Variants in ZDHHC21 observed in about 807,000 individuals in gnomAD.
ZDHHC21 encodes zDHHC palmitoyltransferase 21, also known as palmitoyltransferase ZDHHC21.
Under a neutral mutation model 34.6 loss-of-function variants are expected in ZDHHC21, and 15 were observed. The observed-to-expected ratio is 0.43, with a 90% CI of 0.29 to 0.67. The LOEUF (loss-of-function observed/expected upper bound fraction) is 0.67, where lower values mean the gene tolerates loss of function less well. Among genes scored for constraint, ZDHHC21 ranks in the 30% least tolerant of loss-of-function variants. ZDHHC21 has a pLI of 0.14. For missense variants in ZDHHC21, 344 were observed against 327.7 expected (o/e 1.05, Z -0.38); for synonymous variants, 142 against 101.8 (o/e 1.40, Z -2.38).
At chr9:14,690,066 A>G (rs1364217790) in intron 2 of ZDHHC21, among the ~76,000 whole-genome samples, 1 of 152,196 alleles carries the variant, frequency 6.6e-6, no homozygotes, top group African/African-American at 2.4e-5. Flanking sequence ...TTAAAAAGGT[A>G]ACTTTTGTTC....
At chr9:14,687,228 T>C (rs1481343616) in intron 2 of ZDHHC21, among the ~76,000 whole-genome samples, 1 of 150,758 alleles carries the variant, frequency 6.6e-6, no homozygotes, top group Non-Finnish European at 1.5e-5. Context: ...TCCCAGTCAC[T>C]TGCTGGCTTA....
chr9:14,606,922 A>G (rs920845930), downstream of ZDHHC21, among the ~76,000 whole-genome samples: 1 of 152,080 alleles, frequency 6.6e-6, no homozygotes, highest in African/African-American at 2.4e-5. Context: ...AATGTGTGTA[A>G]AGAATTTTGG....
the ZDHHC21 span, among the ~76,000 whole-genome samples, chr9:14,592,803 C>CA: frequency 6.6e-6 from 1 of 152,096 alleles, no homozygotes; most frequent in Non-Finnish European, 1.5e-5. Context: ...AATAACTGAA[C>CA]TCATACAAAG....
At chr9:14,677,747 A>G (rs770456211) in intron 3 of ZDHHC21, among the ~76,000 whole-genome samples, 3 of 152,100 alleles carry the variant, frequency 2.0e-5, no homozygotes, top group Non-Finnish European at 4.4e-5. Flanking sequence ...ATTATAATTT[A>G]ACTCTAATAA....
downstream of ZDHHC21, among the ~76,000 whole-genome samples, chr9:14,610,195 C>A (rs542750228): frequency 3.3e-5 from 5 of 152,012 alleles, no homozygotes; most frequent in African/African-American, 7.2e-5. Flanking sequence ...AGCAAAAATT[C>A]TTTGGGGCCT....
At chr9:14,661,181 TCTTA>T (rs1833329115) in intron 6 of ZDHHC21, among the ~76,000 whole-genome samples, 1 of 152,178 alleles carries the variant, frequency 6.6e-6, no homozygotes, top group Admixed American at 6.5e-5. Flanking sequence ...TCGAAAATGC[TCTTA>T]CTTTTTCCTA....
chr9:14,640,946 A>G (rs1455584012), intron 7 of ZDHHC21, among the ~76,000 whole-genome samples: 1 of 152,146 alleles, frequency 6.6e-6, no homozygotes, highest in Non-Finnish European at 1.5e-5. Flanking sequence ...AGAGATGAAG[A>G]ACTAAGACTT....
At chr9:14,644,910 C>A (rs1168443617) in intron 7 of ZDHHC21, among the ~76,000 whole-genome samples, 1 of 151,478 alleles carries the variant, frequency 6.6e-6, no homozygotes, top group Non-Finnish European at 1.5e-5. Flanking sequence ...TAGGAAAAAA[C>A]AAACACAAAG....
chr9:14,639,772 A>C (rs1422386692), intron 8 of ZDHHC21, 124 bp downstream of exon 8: 5 of 519,296 alleles, frequency 9.6e-6, no homozygotes, highest in African/African-American at 9.6e-5. Context: ...TAGGCACATG[A>C]AAGTATTAAA....
chr9:14,659,932 A>G (rs567908545), intron 6 of ZDHHC21, among the ~76,000 whole-genome samples: 36 of 152,320 alleles, frequency 2.4e-4, no homozygotes, highest in African/African-American at 8.2e-4. Context: ...ATGACTTATC[A>G]TTGTTCCATC....
chr9:14,666,118 G>C (rs1340787044), intron 5 of ZDHHC21, among the ~76,000 whole-genome samples: 6 of 145,504 alleles, frequency 4.1e-5, no homozygotes, highest in African/African-American at 1.3e-4. Context: ...CACGTGCAGA[G>C]ACACACATAG....
intron 2 of ZDHHC21, among the ~76,000 whole-genome samples, chr9:14,680,646 T>C (rs1837206511): frequency 6.6e-6 from 1 of 152,150 alleles, no homozygotes; most frequent in South Asian, 2.1e-4. Flanking sequence ...TAAAAAAACA[T>C]ACTGTAAAGT....
At position 14,640,687 on chromosome 9, in the gene ZDHHC21, G is replaced by A. The variant is rs192708196; in HGVS notation, c.505-675C>T. Among the ~76,000 whole-genome samples the A allele has an allele frequency of 1.5e-3, 224 of 152,150 alleles. 4 individuals are homozygous for A. Among genetic ancestry groups the A allele is most frequent in the Non-Finnish European group, 4.7e-4 (32 of 67,980 alleles). On this transcript the variant is annotated intron_variant, in intron 7 of 9. Coordinates refer to ENST00000380916, the MANE Select transcript of ZDHHC21 (RefSeq NM_178566.6). The stretch of plus-strand genomic sequence containing the variant: ...TATTTAGAAAGAGAGCTCAACTTTG[G>A]AAAATTCCAAAACAATGTGATACAT...
chr9:14,685,740 AAGACACATG>A (rs1234581608), intron 2 of ZDHHC21, among the ~76,000 whole-genome samples: 1 of 152,250 alleles, frequency 6.6e-6, no homozygotes, highest in East Asian at 1.9e-4. Flanking sequence ...TGCTGCTATA[AAGACACATG>A]CGCACGTATG....
intron 2 of ZDHHC21, among the ~76,000 whole-genome samples, chr9:14,685,706 A>AT (rs1838197712): frequency 6.6e-6 from 1 of 152,254 alleles, no homozygotes; most frequent in African/African-American, 2.4e-5. Flanking sequence ...ATTACTGGGT[A>AT]TATACCCAAA....
chr9:14,591,896 CATG>C, the ZDHHC21 span, among the ~76,000 whole-genome samples: 2 of 150,660 alleles, frequency 1.3e-5, no homozygotes, highest in Admixed American at 6.6e-5. Context: ...TTACTGCTTG[CATG>C]ATATCTGTTT....
intron 7 of ZDHHC21, among the ~76,000 whole-genome samples, chr9:14,641,168 T>A (rs1197374745): frequency 6.6e-6 from 1 of 152,126 alleles, no homozygotes; most frequent in Non-Finnish European, 1.5e-5. Flanking sequence ...AACTGATACT[T>A]TTCTGTGTGT....
chr9:14,623,414 C>T (rs1328599246), intron 8 of ZDHHC21, among the ~76,000 whole-genome samples: 2 of 151,644 alleles, frequency 1.3e-5, no homozygotes, highest in African/African-American at 2.4e-5. Context: ...CTGTAGTCCT[C>T]GCTACTTGGG....
At chr9:14,604,559 T>A in the ZDHHC21 span, among the ~76,000 whole-genome samples, 4 of 152,194 alleles carry the variant, frequency 2.6e-5, no homozygotes, top group African/African-American at 7.2e-5. Context: ...GATGTATCTG[T>A]AACATTGCAT....
Sources: gnomAD v4.1 joint callset for allele counts (sites outside exome capture counted in the v4.1 genomes callset) on GRCh38, gnomAD v4.1.1 for gene constraint, MANE v1.5 for transcripts, NCBI Gene and HGNC (gene_info 2026-07-23, HGNC 2026-07-21) for gene names.